The following KHDRBS2 variants were observed in gnomAD, a reference collection of about 807,000 sequenced individuals.
KHDRBS2 encodes the protein KH domain-containing, RNA-binding, signal transduction-associated protein 2.
In KHDRBS2, 26 loss-of-function variants were observed where a neutral mutation model predicts 44.3. The ratio of observed to expected loss-of-function variants is 0.59; its 90% CI spans 0.43 to 0.81. The LOEUF is 0.81. Ranked by LOEUF, KHDRBS2 falls within the 40% of genes least tolerant of loss-of-function variation. The pLI is 0.00. For missense variants in KHDRBS2, 476 were observed against 433.1 expected (o/e 1.10, Z -0.88); for synonymous variants, 194 against 151.1 (o/e 1.28, Z -2.08).
chr6:61,729,305 C>A (rs374751632), intron 7 of KHDRBS2, among the ~76,000 whole-genome samples: 2 of 152,140 alleles, frequency 1.3e-5, no homozygotes. Flanking sequence ...TAGAGGGGAA[C>A]AACACACACT....
rs115239262 is a variant in KHDRBS2 at position 62,135,544 on chromosome 6, A to C, written c.219+41641T>G. ...CTCTTCTGTGTACAGACCCAAGGGA[A>C]TTAAAATCATCACCTCCAAAACATA... On this transcript the variant is annotated intron_variant, in intron 2 of 8. Coordinates refer to ENST00000281156, the MANE Select transcript of KHDRBS2 (RefSeq NM_152688.4). Among the ~76,000 whole-genome samples the C allele has an allele frequency of 8.8e-3, 1,343 of 152,290 alleles. 19 individuals carry two copies. The highest frequency in any genetic ancestry group is 0.03 in the African/African-American group (1,251 of 41,544).
the KHDRBS2 span, among the ~76,000 whole-genome samples, chr6:61,597,773 T>TATATACACAC: frequency 9.4e-5 from 4 of 42,354 alleles, no homozygotes; most frequent in Admixed American, 3.2e-4. Context: ...TATATATATA[T>TATATACACAC]ACACCAAGAT....
In KHDRBS2 at chr6:62,274,635, TC is replaced by T. The variant is rs570004686; in HGVS notation, c.91+11222del. Among the ~76,000 whole-genome samples, 462 of 152,294 alleles carry T rather than the reference TC, an allele frequency of 3.0e-3. 2 individuals carry two copies. The highest frequency in any genetic ancestry group is 0.011 in the African/African-American group (437 of 41,562). ...AATTTACAGCTGCTTCATCACTGAA[TC>T]CTGGTCATATTCTACTTATTTGTAG... On this transcript the variant is annotated intron_variant, in intron 1 of 8. Transcript: ENST00000281156.
chr6:61,743,080 T>C lies in KHDRBS2; in HGVS notation c.811-10316A>G, dbSNP rs187333154. Among the ~76,000 whole-genome samples the C allele has an allele frequency of 9.2e-3, 1,397 of 152,198 alleles. 13 individuals carry two copies. Among genetic ancestry groups the C allele is most frequent in the Non-Finnish European group, 0.016 (1,069 of 67,978 alleles). On this transcript the variant is annotated intron_variant, in intron 6 of 8. Coordinates refer to ENST00000281156, the MANE Select transcript of KHDRBS2 (RefSeq NM_152688.4). The stretch of plus-strand genomic sequence containing the variant: ...GGGGAGGCTAATGCTAACTTTTCAA[T>C]CAGCCCAGTAAAATCAAATAACAAA...
At chr6:61,944,148 C>G (rs971237195) in intron 4 of KHDRBS2, among the ~76,000 whole-genome samples, 1 of 152,262 alleles carries the variant, frequency 6.6e-6, no homozygotes, top group East Asian at 1.9e-4. Flanking sequence ...TACAATCAAG[C>G]AATCCCACTA....
intron 2 of KHDRBS2, among the ~76,000 whole-genome samples, chr6:62,071,435 T>G (rs1795057844): frequency 6.6e-6 from 1 of 152,216 alleles, no homozygotes; most frequent in Non-Finnish European, 1.5e-5. Flanking sequence ...TCCTGAATGG[T>G]ATTGCTTATG....
At chr6:62,248,285 T>A (rs1835939563) in intron 1 of KHDRBS2, among the ~76,000 whole-genome samples, 1 of 151,284 alleles carries the variant, frequency 6.6e-6, no homozygotes, top group Non-Finnish European at 1.5e-5. Context: ...CAGCTTGTGG[T>A]ATTTTAAAAA....
intron 6 of KHDRBS2, among the ~76,000 whole-genome samples, chr6:61,770,051 C>G (rs1171416320): frequency 1.3e-5 from 2 of 152,192 alleles, no homozygotes; most frequent in African/African-American, 4.8e-5. Flanking sequence ...TCTGCAGCCA[C>G]CGCTGCTGAT....
At chr6:62,052,081 T>G (rs1313569329) in intron 2 of KHDRBS2, among the ~76,000 whole-genome samples, 2 of 151,990 alleles carry the variant, frequency 1.3e-5, no homozygotes, top group Non-Finnish European at 1.5e-5. Flanking sequence ...CTATGAAGGT[T>G]TCTAAATAAA....
chr6:62,012,433 G>C (rs560736467), intron 3 of KHDRBS2, among the ~76,000 whole-genome samples: 39 of 152,252 alleles, frequency 2.6e-4, no homozygotes, highest in African/African-American at 8.9e-4. Flanking sequence ...GGAGAAAGCT[G>C]TGTTTTTAAA....
At chr6:61,688,990 G>A (rs1183962966) in intron 8 of KHDRBS2, among the ~76,000 whole-genome samples, 1 of 151,886 alleles carries the variant, frequency 6.6e-6, no homozygotes, top group Non-Finnish European at 1.5e-5. Flanking sequence ...TAGAGTTTGG[G>A]CTTTGGCCTA....
intron 6 of KHDRBS2, among the ~76,000 whole-genome samples, chr6:61,823,690 C>T (rs550092551): frequency 5.3e-5 from 8 of 152,128 alleles, no homozygotes; most frequent in East Asian, 1.9e-4. Flanking sequence ...GATGTATTGA[C>T]GAATTGTTGC....
At chr6:61,628,049 A>G in the KHDRBS2 span, among the ~76,000 whole-genome samples, 1 of 152,018 alleles carries the variant, frequency 6.6e-6, no homozygotes, top group East Asian at 1.9e-4. Context: ...ACTGCATTGC[A>G]TATTCTTTAG....
intron 5 of KHDRBS2, among the ~76,000 whole-genome samples, chr6:61,901,018 AT>A (rs143849566): frequency 0.043 from 6,487 of 152,192 alleles, 184 homozygotes; most frequent in Middle Eastern, 0.085. Flanking sequence ...CTCTACTTCA[AT>A]TTCTCACCTG....
At chr6:62,062,872 A>G (rs1180880575) in intron 2 of KHDRBS2, among the ~76,000 whole-genome samples, 6 of 149,118 alleles carry the variant, frequency 4.0e-5, no homozygotes, top group African/African-American at 1.5e-4. Context: ...CAAAATTGAT[A>G]GACTGCTAGC....
chr6:61,558,555 G>A, the KHDRBS2 span, among the ~76,000 whole-genome samples: 1 of 152,134 alleles, frequency 6.6e-6, no homozygotes, highest in Non-Finnish European at 1.5e-5. Flanking sequence ...GCAAGAACCT[G>A]TCTCAACAAA....
At chr6:62,056,064 GGTGGA>G (rs1232483662) in intron 2 of KHDRBS2, among the ~76,000 whole-genome samples, 25 of 151,882 alleles carry the variant, frequency 1.6e-4, no homozygotes, top group African/African-American at 5.8e-4. Context: ...ACGGCCTGTT[GGTGGA>G]ACTTTCCTGA....
chr6:61,593,373 GA>G, the KHDRBS2 span, among the ~76,000 whole-genome samples: 2 of 152,058 alleles, frequency 1.3e-5, no homozygotes, highest in African/African-American at 4.8e-5. Context: ...GATACTGGAG[GA>G]AACTAAAAAT....
chr6:61,544,457 G>A, the KHDRBS2 span, among the ~76,000 whole-genome samples: 2 of 152,082 alleles, frequency 1.3e-5, no homozygotes, highest in East Asian at 1.9e-4. Context: ...AATGTTCTTA[G>A]CCTCCAAGCT....
Sources: allele counts gnomAD v4.1 joint callset (sites outside exome capture counted in the v4.1 genomes callset), GRCh38; gene constraint gnomAD v4.1.1; transcripts MANE v1.5; gene names NCBI Gene and HGNC (gene_info 2026-07-23, HGNC 2026-07-21).